The following BCL2 variants were observed in gnomAD, a reference collection of about 807,000 sequenced individuals.
BCL2 encodes BCL2 apoptosis regulator.
BCL2 carries 1 observed loss-of-function variant against 14.2 expected under a neutral mutation model. The observed-to-expected ratio is 0.07, with a 90% CI of 0.02 to 0.33. The LOEUF is 0.33. Among genes scored for constraint, BCL2 ranks in the 10% least tolerant of loss-of-function variants. The pLI, the probability that BCL2 is intolerant of heterozygous loss-of-function variation, is 0.99. For missense variants in BCL2, 247 were observed against 305.9 expected, an observed-to-expected ratio of 0.81 and a Z score of 1.44; for synonymous variants, 151 against 137.2, an observed-to-expected ratio of 1.10 and a Z score of -0.70.
chr18:63,157,791 C>A (rs189743275), intron 2 of BCL2, among the ~76,000 whole-genome samples: 1 of 152,258 alleles, frequency 6.6e-6, no homozygotes, highest in East Asian at 1.9e-4. Flanking sequence ...CCACTGCTCC[C>A]GCAGGAGTTT....
Position 63,269,017 on chromosome 18 carries a change from T to G in BCL2, c.585+49065A>C, listed in dbSNP as rs148115276. Among the ~76,000 whole-genome samples, 538 of 152,044 alleles carry G rather than the reference T, an allele frequency of 3.5e-3. 6 individuals are homozygous for G. Among genetic ancestry groups the G allele is most frequent in the African/African-American group, 0.013 (522 of 41,470 alleles). ...AGGCTGGAGTGCAGTGGTGTCATCA[T>G]AGCTCACTGCAGCCTCAAATTCCTG... On this transcript the variant is annotated intron_variant, in intron 2 of 2. Coordinates refer to ENST00000333681, the MANE Select transcript of BCL2 (RefSeq NM_000633.3).
At chr18:63,225,961 A>G (rs1313734568) in intron 2 of BCL2, among the ~76,000 whole-genome samples, 3 of 152,184 alleles carry the variant, frequency 2.0e-5, no homozygotes, top group African/African-American at 7.2e-5. Context: ...GTGGCACCCA[A>G]GTTCTTGTCC....
At chr18:63,169,248 T>TTTCCTTTC (rs1915124208) in intron 2 of BCL2, among the ~76,000 whole-genome samples, 1 of 108,144 alleles carries the variant, frequency 9.2e-6, no homozygotes, top group African/African-American at 3.6e-5. Flanking sequence ...CCCTTCGTGT[T>TTTCCTTTC]TTTCTTTCTT....
chr18:63,128,822 AC>A (rs1222890945), intron 2 of BCL2, 63 bp from the exon 3 acceptor site: 21 of 699,708 alleles, frequency 3.0e-5, no homozygotes, highest in Non-Finnish European at 5.1e-5. Context: ...AGAGAATGCC[AC>A]CCCACAGAGA....
intron 2 of BCL2, chr18:63,313,763 A>C (rs1913408856): frequency 6.6e-6 from 1 of 152,178 alleles, no homozygotes. Context: ...CAAATAGCGC[A>C]ATAGGACTGG....
rs115474572 is a variant in BCL2, at chr18:63,238,957, T to C, written c.585+79125A>G. 4.6e-3 allele frequency among the ~76,000 whole-genome samples: 702 copies of C among 152,316 alleles called. 5 individuals carry two copies. The highest frequency in any genetic ancestry group is 0.016 in the African/African-American group (668 of 41,560). ...CTTGGTAACGAGAGAGCAGAGCCCC[T>C]GGAGAGCTGTGGGATGGCTAACTGC... On this transcript the variant is annotated intron_variant, in intron 2 of 2. Coordinates refer to ENST00000333681, the MANE Select transcript of BCL2 (RefSeq NM_000633.3).
chr18:63,282,553 G>A (rs1377583211), intron 2 of BCL2, among the ~76,000 whole-genome samples: 4 of 152,104 alleles, frequency 2.6e-5, no homozygotes, highest in African/African-American at 9.7e-5. Flanking sequence ...GCACGGCAAT[G>A]GAATGAAAAT....
At chr18:63,259,220 G>A (rs1479224896) in intron 2 of BCL2, among the ~76,000 whole-genome samples, 1 of 152,262 alleles carries the variant, frequency 6.6e-6, no homozygotes, top group Non-Finnish European at 1.5e-5. Flanking sequence ...CCTCCCACAT[G>A]AACAGGGCTA....
chr18:63,131,185 T>A (rs1037117632), intron 2 of BCL2, among the ~76,000 whole-genome samples: 1 of 152,134 alleles, frequency 6.6e-6, no homozygotes, highest in Admixed American at 6.5e-5. Context: ...AGATGACCCA[T>A]CCTGTGTGTC....
At chr18:63,189,845 T>A (rs1295008564) in intron 2 of BCL2, among the ~76,000 whole-genome samples, 1 of 152,016 alleles carries the variant, frequency 6.6e-6, no homozygotes, top group Non-Finnish European at 1.5e-5. Flanking sequence ...GATATTTAAG[T>A]GTCTTTTAAG....
chr18:63,250,471 A>C (rs1252954646), intron 2 of BCL2, among the ~76,000 whole-genome samples: 2 of 152,236 alleles, frequency 1.3e-5, no homozygotes, highest in African/African-American at 4.8e-5. Flanking sequence ...TTTTCATGAA[A>C]TCTACAATGG....
At chr18:63,248,787 T>C (rs1269328922) in intron 2 of BCL2, among the ~76,000 whole-genome samples, 1 of 152,208 alleles carries the variant, frequency 6.6e-6, no homozygotes, top group African/African-American at 2.4e-5. Flanking sequence ...GCCAGCCTTG[T>C]TGCAGAGGTG....
chr18:63,178,091 C>T (rs1471504254), intron 2 of BCL2, among the ~76,000 whole-genome samples: 1 of 152,188 alleles, frequency 6.6e-6, no homozygotes, highest in Non-Finnish European at 1.5e-5. Flanking sequence ...AGCAAGAGGC[C>T]TCATGATAAA....
At chr18:63,197,366 A>G (rs1317787070) in intron 2 of BCL2, among the ~76,000 whole-genome samples, 1 of 152,250 alleles carries the variant, frequency 6.6e-6, no homozygotes, top group Non-Finnish European at 1.5e-5. Flanking sequence ...TGCAAGTCAC[A>G]AGCTTATAGC....
chr18:63,250,106 C>T (rs1055435029), intron 2 of BCL2, among the ~76,000 whole-genome samples: 1 of 152,180 alleles, frequency 6.6e-6, no homozygotes, highest in Non-Finnish European at 1.5e-5. Context: ...AACATATACT[C>T]CTGCTAGTGT....
chr18:63,251,213 A>G (rs566537434), intron 2 of BCL2, among the ~76,000 whole-genome samples: 34 of 152,136 alleles, frequency 2.2e-4, no homozygotes, highest in Admixed American at 4.6e-4. Flanking sequence ...CTGTGCGTTG[A>G]TGAGGGGAGG....
At chr18:63,144,015 G>A (rs1040932444) in intron 2 of BCL2, among the ~76,000 whole-genome samples, 25 of 152,322 alleles carry the variant, frequency 1.6e-4, no homozygotes, top group African/African-American at 4.6e-4. Context: ...ACCTAAGGTC[G>A]TAGGAATAAG....
chr18:63,282,214 C>T (rs1912338738), intron 2 of BCL2, among the ~76,000 whole-genome samples: 1 of 152,176 alleles, frequency 6.6e-6, no homozygotes, highest in South Asian at 2.1e-4. Flanking sequence ...TCTGTTATCA[C>T]AAGTTCTTGA....
At chr18:63,251,712 T>C (rs1477998982) in intron 2 of BCL2, among the ~76,000 whole-genome samples, 1 of 151,488 alleles carries the variant, frequency 6.6e-6, no homozygotes, top group Non-Finnish European at 1.5e-5. Context: ...TTTTCTTTTT[T>C]TTTTTGACGT....
Sources: allele counts gnomAD v4.1 joint callset (sites outside exome capture counted in the v4.1 genomes callset), GRCh38; gene constraint gnomAD v4.1.1; transcripts MANE v1.5; gene names NCBI Gene and HGNC (gene_info 2026-07-23, HGNC 2026-07-21).